LHFPL6: variants seen among roughly 807,000 people sequenced by gnomAD.
The protein encoded by LHFPL6 is LHFPL tetraspan subfamily member 6 protein.
LHFPL6 carries 9 observed loss-of-function variants against 20.6 expected under a neutral mutation model. The observed-to-expected ratio is 0.44, with a 90% CI of 0.26 to 0.76. The LOEUF (loss-of-function observed/expected upper bound fraction) is 0.76, where lower values mean the gene tolerates loss of function less well. Ranked by LOEUF, LHFPL6 falls within the 30% of genes least tolerant of loss-of-function variation. The pLI is 0.20. For missense variants in LHFPL6, 218 were observed against 253.5 expected (o/e 0.86, Z 0.95); for synonymous variants, 105 against 98.7 (o/e 1.06, Z -0.38).
chr13:39,495,272 A>C (rs1383310724), intron 2 of LHFPL6, among the ~76,000 whole-genome samples: 3 of 152,230 alleles, frequency 2.0e-5, no homozygotes, highest in African/African-American at 4.8e-5. Context: ...ATTTCAGGGT[A>C]CTGGTCTTTC....
intron 2 of LHFPL6, among the ~76,000 whole-genome samples, chr13:39,518,262 A>C (rs1869992613): frequency 6.6e-6 from 1 of 152,174 alleles, no homozygotes; most frequent in Admixed American, 6.5e-5. Context: ...ATAATAATGC[A>C]AACTTAAAGT....
At chr13:39,546,250 G>A (rs1459085341) in intron 2 of LHFPL6, among the ~76,000 whole-genome samples, 2 of 151,978 alleles carry the variant, frequency 1.3e-5, no homozygotes, top group Admixed American at 6.6e-5. Flanking sequence ...GCCATAGACC[G>A]ACCCTTAATC....
At chr13:39,559,557 T>C (rs1175875887) in intron 2 of LHFPL6, among the ~76,000 whole-genome samples, 2 of 152,082 alleles carry the variant, frequency 1.3e-5, no homozygotes, top group Non-Finnish European at 2.9e-5. Context: ...ATAACATAGC[T>C]CAGAGAATAA....
chr13:39,585,946 CTT>C (rs1304989523), intron 2 of LHFPL6, among the ~76,000 whole-genome samples: 1 of 152,076 alleles, frequency 6.6e-6, no homozygotes, highest in Non-Finnish European at 1.5e-5. Flanking sequence ...GACATTTTAA[CTT>C]TAGCTATGAT....
intron 2 of LHFPL6, among the ~76,000 whole-genome samples, chr13:39,484,267 T>A (rs1354230751): frequency 6.6e-6 from 1 of 152,180 alleles, no homozygotes; most frequent in Non-Finnish European, 1.5e-5. Context: ...CACCCTAAAA[T>A]GTGTTCCTCT....
At chr13:39,392,930 C>T (rs751561964) in intron 2 of LHFPL6, among the ~76,000 whole-genome samples, 25 of 152,066 alleles carry the variant, frequency 1.6e-4, no homozygotes, top group Non-Finnish European at 2.4e-4. Flanking sequence ...AAAAAATTTA[C>T]GTTCACACTG....
intron 2 of LHFPL6, among the ~76,000 whole-genome samples, chr13:39,428,046 C>T (rs73458870): frequency 0.03 from 4,588 of 152,266 alleles, 184 homozygotes; most frequent in African/African-American, 0.092. Flanking sequence ...GCTAGGATTG[C>T]GCTTCCTGTC....
At chr13:39,380,263 T>C (rs541854058) in intron 2 of LHFPL6, among the ~76,000 whole-genome samples, 1 of 152,268 alleles carries the variant, frequency 6.6e-6, no homozygotes, top group African/African-American at 2.4e-5. Context: ...TTTTAAAGGA[T>C]GACAAATGCA....
intron 2 of LHFPL6, among the ~76,000 whole-genome samples, chr13:39,459,198 G>A (rs1252305460): frequency 2.3e-5 from 1 of 42,664 alleles, no homozygotes; most frequent in African/African-American, 1.1e-4. Context: ...TCCTTAATGT[G>A]TGTGTGTGTG....
At chr13:39,431,874 T>G (rs190271275) in intron 2 of LHFPL6, among the ~76,000 whole-genome samples, 1 of 152,300 alleles carries the variant, frequency 6.6e-6, no homozygotes, top group East Asian at 1.9e-4. Flanking sequence ...CCCTCCCATT[T>G]TTTTTTCCTT....
At chr13:39,373,147 C>T (rs781358389) in intron 3 of LHFPL6, among the ~76,000 whole-genome samples, 21 of 152,254 alleles carry the variant, frequency 1.4e-4, no homozygotes, top group East Asian at 1.2e-3. Flanking sequence ...CTTTCATTTG[C>T]GAGAGTAAAC....
At chr13:39,346,920 C>A (rs1222524299) in intron 3 of LHFPL6, among the ~76,000 whole-genome samples, 4 of 151,906 alleles carry the variant, frequency 2.6e-5, no homozygotes, top group Admixed American at 2.0e-4. Context: ...CTTAAAAGTT[C>A]TTAGGCCATT....
chr13:39,492,168 T>C (rs1442225884), intron 2 of LHFPL6, among the ~76,000 whole-genome samples: 2 of 152,328 alleles, frequency 1.3e-5, no homozygotes, highest in East Asian at 3.9e-4. Flanking sequence ...ATATGAAGTC[T>C]AGAACTCACC....
chr13:39,380,175 G>A (rs1321493857), intron 2 of LHFPL6, among the ~76,000 whole-genome samples: 1 of 152,210 alleles, frequency 6.6e-6, no homozygotes, highest in African/African-American at 2.4e-5. Context: ...AATAAACAAT[G>A]AGGTATCATG....
intron 2 of LHFPL6, among the ~76,000 whole-genome samples, chr13:39,451,687 T>C (rs1872446814): frequency 6.6e-6 from 1 of 152,224 alleles, no homozygotes; most frequent in African/African-American, 2.4e-5. Flanking sequence ...CCTATCAGCA[T>C]ATGTCTCTAC....
At chr13:39,589,342 C>A (rs1261254563) in intron 2 of LHFPL6, among the ~76,000 whole-genome samples, 2 of 152,024 alleles carry the variant, frequency 1.3e-5, no homozygotes, top group African/African-American at 4.8e-5. Flanking sequence ...CCTGACCTCA[C>A]GATCTGCCCA....
intron 3 of LHFPL6, among the ~76,000 whole-genome samples, chr13:39,355,310 G>A (rs1009702699): frequency 6.6e-6 from 1 of 151,916 alleles, no homozygotes; most frequent in African/African-American, 2.4e-5. Flanking sequence ...ACAAGCAAAG[G>A]AGAAATAAAA....
intron 3 of LHFPL6, among the ~76,000 whole-genome samples, chr13:39,374,393 G>A (rs953127037): frequency 7.9e-5 from 12 of 152,142 alleles, no homozygotes; most frequent in Admixed American, 2.0e-4. Flanking sequence ...GGGGAGGGAC[G>A]GAGGGGGCAA....
intron 2 of LHFPL6, among the ~76,000 whole-genome samples, chr13:39,464,696 C>T (rs1872759786): frequency 7.9e-6 from 1 of 126,690 alleles, no homozygotes; most frequent in Non-Finnish European, 1.6e-5. Context: ...GGAAAAAGCA[C>T]AGTCTTTTTT....
Sources: allele counts gnomAD v4.1 joint callset (sites outside exome capture counted in the v4.1 genomes callset), GRCh38; gene constraint gnomAD v4.1.1; transcripts MANE v1.5; gene names NCBI Gene and HGNC (gene_info 2026-07-23, HGNC 2026-07-21).